The following CPOX variants were observed in gnomAD, a reference collection of about 807,000 sequenced individuals.
The protein encoded by CPOX is oxygen-dependent coproporphyrinogen-III oxidase, mitochondrial.
CPOX carries 24 observed loss-of-function variants against 48.9 expected under a neutral mutation model. The observed-to-expected ratio is 0.49, with a 90% CI of 0.36 to 0.69. The LOEUF (loss-of-function observed/expected upper bound fraction) is 0.69, where lower values mean the gene tolerates loss of function less well. Ranked by LOEUF, CPOX falls within the 30% of genes least tolerant of loss-of-function variation. The pLI is 0.00. For synonymous variants in CPOX, 249 were observed against 234.6 expected, an observed-to-expected ratio of 1.06 and a Z score of -0.56; for missense variants, 549 against 597.3, an observed-to-expected ratio of 0.92 and a Z score of 0.84.
chr3:98,575,611 G>C (rs139051262), downstream of CPOX, among the ~76,000 whole-genome samples: 239 of 151,364 alleles, frequency 1.6e-3, no homozygotes, highest in African/African-American at 5.4e-3. Context: ...GGCCAACATA[G>C]TGAAACCTTG....
intron 5 of CPOX, among the ~76,000 whole-genome samples, chr3:98,585,151 A>C (rs140026048): frequency 1.3e-5 from 2 of 152,346 alleles, no homozygotes; most frequent in African/African-American, 2.4e-5. Flanking sequence ...ACATCTTGAC[A>C]TAAGGCTGGA....
intron 5 of CPOX, among the ~76,000 whole-genome samples, 193 bp downstream of exon 5, chr3:98,585,248 G>A (rs1707339078): frequency 6.6e-6 from 1 of 152,134 alleles, no homozygotes; most frequent in African/African-American, 2.4e-5. Context: ...CTAATGTATA[G>A]ATGAATTAAA....
rs113195017 is a variant in CPOX at position 98,591,025 on chromosome 3, C to T, written c.687G>A (p.Leu229=). ...TGTCTGATTTACCATCTTTAGTCTTCAGAACTTTTCCTCTGCTTCTCATTT... is the reference window on the plus strand; with the variant it reads ...TGTCTGATTTACCATCTTTAGTCTTTAGAACTTTTCCTCTGCTTCTCATTT... ...AKQMRSRGKV[L]KTKDGKLPFC... is the part of the protein sequence containing the mutation. Residue 229 remains leucine, a synonymous_variant, in exon 2 of 7, where the codon CTG becomes CTA. Coordinates refer to ENST00000647941, the MANE Select transcript of CPOX (RefSeq NM_000097.7). 2.5e-6 allele frequency: 4 copies of T among 1,614,176 alleles called. No individual in the cohort carries two copies. Among genetic ancestry groups the T allele is most frequent in the Admixed American group, 1.7e-5 (1 of 60,024 alleles).
At chr3:98,572,855 G>A in the CPOX span, among the ~76,000 whole-genome samples, 4 of 152,034 alleles carry the variant, frequency 2.6e-5, no homozygotes, top group Non-Finnish European at 4.4e-5. Flanking sequence ...TTGTAAAAAC[G>A]TATACACTAT....
At chr3:98,573,166 C>T in the CPOX span, among the ~76,000 whole-genome samples, 2 of 152,160 alleles carry the variant, frequency 1.3e-5, no homozygotes, top group Admixed American at 1.3e-4. Flanking sequence ...AAAATGTTCA[C>T]ATTTTCTCAG....
At chr3:98,574,231 C>T in the CPOX span, among the ~76,000 whole-genome samples, 4 of 152,142 alleles carry the variant, frequency 2.6e-5, no homozygotes, top group Non-Finnish European at 5.9e-5. Flanking sequence ...GCAAACCACT[C>T]CAAGCTTAAT....
intron 6 of CPOX, among the ~76,000 whole-genome samples, chr3:98,581,098 T>C (rs900250356): frequency 6.6e-6 from 1 of 152,264 alleles, no homozygotes; most frequent in South Asian, 2.1e-4. Context: ...TTAATACTTA[T>C]GCATACCTCT....
At chr3:98,580,829 T>G in intron 6 of CPOX, 59 bp from the exon 7 acceptor site, 1 of 1,568,150 alleles carries the variant, frequency 6.4e-7, no homozygotes, top group Middle Eastern at 1.7e-4. Flanking sequence ...CATACCTCTT[T>G]ACTTAAAATA....
In CPOX at chr3:98,585,729, T is replaced by C. The variant is rs1707349934; in HGVS notation, c.954-70A>G. The C allele has an allele frequency of 3.2e-6, 4 of 1,254,026 alleles. No individual in the cohort carries two copies. The South Asian group carries it at 4.8e-5, about 15-fold the overall frequency. The allele number at this position is 1,254,026 out of a possible 1,614,324, so 77.7% of individuals were successfully genotyped here. ...ACAGACATGAAAATCAATGTGAGCCTTTCAGGTTACAGCACTATCCTCAAC... is the reference window on the plus strand; with the variant it reads ...ACAGACATGAAAATCAATGTGAGCCCTTCAGGTTACAGCACTATCCTCAAC... On this transcript the variant is annotated intron_variant, in intron 4 of 6. Transcript: ENST00000647941.
intron 5 of CPOX, among the ~76,000 whole-genome samples, chr3:98,584,163 C>T (rs1031719394): frequency 2.6e-5 from 4 of 152,164 alleles, no homozygotes; most frequent in African/African-American, 9.7e-5. Context: ...GTTTTGCCTT[C>T]GAAATCTTGT....
chr3:98,577,781 T>C (rs552015716), downstream of CPOX, among the ~76,000 whole-genome samples: 1 of 152,334 alleles, frequency 6.6e-6, no homozygotes, highest in Admixed American at 6.5e-5. Context: ...CAGTCCAAGA[T>C]GAGCTGAGCC....
intron 5 of CPOX, among the ~76,000 whole-genome samples, chr3:98,582,682 G>A (rs1021230188): frequency 6.6e-6 from 1 of 152,036 alleles, no homozygotes; most frequent in Non-Finnish European, 1.5e-5. Flanking sequence ...TAGTAGAGAC[G>A]AGGTCTCATA....
intron 6 of CPOX, 128 bp downstream of exon 6, chr3:98,581,279 T>C (rs576735741): frequency 1.3e-6 from 1 of 742,628 alleles, no homozygotes; most frequent in Admixed American, 2.1e-5. Context: ...GTGATTTTCT[T>C]ATAAAATCAG....
rs764663158 is a variant in CPOX at position 98,580,774 on chromosome 3, T to C, written c.1278-4A>G. The C allele has an allele frequency of 9.9e-6, 16 of 1,613,604 alleles. No homozygotes were observed. Among genetic ancestry groups the C allele is most frequent in the South Asian group, 6.6e-5 (6 of 91,072 alleles). On this transcript the variant is annotated splice_region_variant and splice_polypyrimidine_tract_variant and intron_variant, in intron 6 of 6. Transcript: ENST00000647941. ...GGGTGAATGCATGTACTCCCATCTATGCATGTCCAAAACAAAAGCAAAAAA... is the reference window on the plus strand; with the variant it reads ...GGGTGAATGCATGTACTCCCATCTACGCATGTCCAAAACAAAAGCAAAAAA...
chr3:98,588,405 GA>G (rs1707408238), intron 4 of CPOX, among the ~76,000 whole-genome samples: 1 of 152,092 alleles, frequency 6.6e-6, no homozygotes, highest in Admixed American at 6.5e-5. Flanking sequence ...TCTGGAATAA[GA>G]ATTTAACAAC....
At chr3:98,574,791 C>A (rs1423947325), downstream of CPOX, among the ~76,000 whole-genome samples, 2 of 152,092 alleles carry the variant, frequency 1.3e-5, no homozygotes, top group East Asian at 3.9e-4. Context: ...GTTGGCCAGG[C>A]TGGTCTTGAA....
At chr3:98,574,766 A>T (rs1177823077), downstream of CPOX, among the ~76,000 whole-genome samples, 1 of 152,092 alleles carries the variant, frequency 6.6e-6, no homozygotes, top group Non-Finnish European at 1.5e-5. Context: ...TTTAGTAGAG[A>T]TGGGGTTTCA....
chr3:98,574,234 A>T, the CPOX span, among the ~76,000 whole-genome samples: 1 of 152,320 alleles, frequency 6.6e-6, no homozygotes. Context: ...AACCACTCCA[A>T]GCTTAATGAC....
At chr3:98,581,307 A>C in intron 6 of CPOX, 100 bp downstream of exon 6, 1 of 886,908 alleles carries the variant, frequency 1.1e-6, no homozygotes, top group Non-Finnish European at 1.9e-6. Flanking sequence ...AAAACTAACA[A>C]AGACCTAGGC....
Sources: allele counts gnomAD v4.1 joint callset (sites outside exome capture counted in the v4.1 genomes callset), GRCh38; gene constraint gnomAD v4.1.1; transcripts MANE v1.5; gene names NCBI Gene and HGNC (gene_info 2026-07-23, HGNC 2026-07-21).